The following ELAVL4 variants were observed in gnomAD, a reference collection of about 807,000 sequenced individuals.
The protein encoded by ELAVL4 is ELAV-like protein 4.
ELAVL4 carries 1 observed loss-of-function variant against 35.6 expected under a neutral mutation model. The observed-to-expected ratio is 0.03, with a 90% CI of 0.01 to 0.13. ELAVL4 has a LOEUF of 0.13. Among genes scored for constraint, ELAVL4 ranks in the 10% least tolerant of loss-of-function variants. The probability of loss-of-function intolerance (pLI) is 1.00; values close to 1 mark genes in which losing one functional copy is unlikely to be tolerated. For synonymous variants in ELAVL4, 156 were observed against 171.0 expected (o/e 0.91, Z 0.69); for missense variants, 267 against 464.9 (o/e 0.57, Z 3.91).
At chr1:50,135,402 T>C (rs1671723471) in intron 1 of ELAVL4, among the ~76,000 whole-genome samples, 1 of 152,160 alleles carries the variant, frequency 6.6e-6, no homozygotes, top group African/African-American at 2.4e-5. Context: ...ATTTATATGC[T>C]TTTGCTGAGG....
intron 2 of ELAVL4, among the ~76,000 whole-genome samples, chr1:50,149,678 G>C (rs1296023207): frequency 6.6e-6 from 1 of 151,444 alleles, no homozygotes; most frequent in Non-Finnish European, 1.5e-5. Context: ...CGAGTAACTG[G>C]GACTACAGGC....
intron 2 of ELAVL4, among the ~76,000 whole-genome samples, chr1:50,167,063 C>T (rs974704742): frequency 1.3e-5 from 2 of 152,136 alleles, no homozygotes; most frequent in African/African-American, 4.8e-5. Context: ...CCCCTTGATT[C>T]CTGGACCCAT....
Position 50,166,079 on chromosome 1 carries a change from G to A in ELAVL4, c.251-11010G>A, listed in dbSNP as rs548475999. Among the ~76,000 whole-genome samples, 8 of 151,614 alleles carry A rather than the reference G, an allele frequency of 5.3e-5. No individual in the cohort carries two copies. In the South Asian group the frequency reaches 8.4e-4, roughly 16 times the overall value. On this transcript the variant is annotated intron_variant, in intron 2 of 6. Coordinates refer to ENST00000371824, the MANE Select transcript of ELAVL4 (RefSeq NM_001144774.3). ...ATATTCTAAGGCAGCTGATTAGATC[G>A]TGCCCACTAGATTAAGGGTGGATCT...
chr1:50,093,291 T>C (rs1179969343), intron 1 of ELAVL4, among the ~76,000 whole-genome samples: 4 of 152,170 alleles, frequency 2.6e-5, no homozygotes, highest in South Asian at 2.1e-4. Context: ...GGCCTTTCTT[T>C]CTTTTCTTTT....
chr1:50,084,613 A>C (rs1307396362), intron 1 of ELAVL4, among the ~76,000 whole-genome samples: 1 of 152,006 alleles, frequency 6.6e-6, no homozygotes, highest in East Asian at 1.9e-4. Flanking sequence ...GCCACACTCC[A>C]GTCACATTGG....
intron 2 of ELAVL4, among the ~76,000 whole-genome samples, chr1:50,146,392 T>C (rs1178083215): frequency 2.0e-5 from 3 of 152,176 alleles, no homozygotes; most frequent in African/African-American, 7.2e-5. Flanking sequence ...CATAATTTTC[T>C]TATTTGAAAA....
upstream of ELAVL4, among the ~76,000 whole-genome samples, chr1:50,104,554 C>T (rs180937681): frequency 1.4e-4 from 22 of 152,262 alleles, no homozygotes; most frequent in East Asian, 7.7e-4. Context: ...TGGCTAAATA[C>T]GGCCTGGATG....
At chr1:50,116,725 T>C (rs1668023809) in intron 1 of ELAVL4, among the ~76,000 whole-genome samples, 1 of 152,078 alleles carries the variant, frequency 6.6e-6, no homozygotes, top group South Asian at 2.1e-4. Context: ...TAATGAAGCT[T>C]TCCTTAGGAA....
At chr1:50,195,429 G>A (rs1643988010) in intron 4 of ELAVL4, 132 bp from the exon 5 acceptor site, 3 of 909,948 alleles carry the variant, frequency 3.3e-6, no homozygotes, top group Non-Finnish European at 5.2e-6. Context: ...GAGAGATCAG[G>A]GAGCTGGGCT....
intron 2 of ELAVL4, among the ~76,000 whole-genome samples, chr1:50,173,870 A>G (rs1423751241): frequency 6.6e-6 from 1 of 152,170 alleles, no homozygotes; most frequent in Non-Finnish European, 1.5e-5. Context: ...AAAAGATATT[A>G]TTTCTGGAAT....
At chr1:50,048,105 C>T (rs1024486320) in exon 1 of ELAVL4, 2 of 1,459,278 alleles carry the variant, frequency 1.4e-6, no homozygotes, top group South Asian at 2.7e-5. Context: ...GTCTTCCCGC[C>T]CGCCGCGCTC....
intron 3 of ELAVL4, among the ~76,000 whole-genome samples, chr1:50,183,134 G>C (rs936544439): frequency 1.3e-5 from 2 of 151,928 alleles, no homozygotes; most frequent in African/African-American, 2.4e-5. Context: ...CTGGGATTAC[G>C]GGTGTGAGCC....
At chr1:50,073,805 G>T (rs887326173) in intron 1 of ELAVL4, among the ~76,000 whole-genome samples, 1 of 77,478 alleles carries the variant, frequency 1.3e-5, no homozygotes, top group Non-Finnish European at 2.5e-5. Context: ...AACTAGATAC[G>T]CAAACTAAAT....
At chr1:50,133,638 AG>A (rs1358916081) in intron 1 of ELAVL4, among the ~76,000 whole-genome samples, 1 of 149,226 alleles carries the variant, frequency 6.7e-6, no homozygotes, top group East Asian at 2.0e-4. Flanking sequence ...AAAGAAAGAA[AG>A]AAAGAAAGAA....
chr1:50,072,783 AG>A (rs1664589607), intron 1 of ELAVL4, among the ~76,000 whole-genome samples: 1 of 152,204 alleles, frequency 6.6e-6, no homozygotes, highest in African/African-American at 2.4e-5. Context: ...TAGGAGTTGT[AG>A]GTACTATTAT....
intron 2 of ELAVL4, among the ~76,000 whole-genome samples, chr1:50,159,145 C>A (rs1292897116): frequency 1.3e-5 from 2 of 152,128 alleles, no homozygotes; most frequent in African/African-American, 4.8e-5. Flanking sequence ...GACCAGATCC[C>A]CCACCTTAAG....
chr1:50,064,636 A>C (rs1370342671), intron 1 of ELAVL4, among the ~76,000 whole-genome samples: 1 of 152,194 alleles, frequency 6.6e-6, no homozygotes, highest in East Asian at 1.9e-4. Flanking sequence ...AGTCACCATG[A>C]CAACCCAAAA....
chr1:50,140,989 T>G (rs1672724519), intron 1 of ELAVL4, among the ~76,000 whole-genome samples: 1 of 152,116 alleles, frequency 6.6e-6, no homozygotes. Flanking sequence ...CAACATAGAT[T>G]AGGAAATCCA....
intron 2 of ELAVL4, among the ~76,000 whole-genome samples, chr1:50,167,691 T>A (rs1678189586): frequency 6.6e-6 from 1 of 152,166 alleles, no homozygotes; most frequent in African/African-American, 2.4e-5. Context: ...GTGGCCACTT[T>A]GTTCATGACA....
Sources: gnomAD v4.1 joint callset for allele counts (sites outside exome capture counted in the v4.1 genomes callset) on GRCh38, gnomAD v4.1.1 for gene constraint, MANE v1.5 for transcripts, NCBI Gene and HGNC (gene_info 2026-07-23, HGNC 2026-07-21) for gene names.